The following CDH4 variants were observed in gnomAD, a reference collection of about 807,000 sequenced individuals.
The protein encoded by CDH4 is cadherin 4, also known as cadherin-4.
CDH4 carries 33 observed loss-of-function variants against 86.0 expected under a neutral mutation model. The observed-to-expected ratio is 0.38, with a 90% confidence interval of 0.29 to 0.51. The LOEUF is 0.51. Among genes scored for constraint, CDH4 ranks in the 20% least tolerant of loss-of-function variants. The pLI, the probability that CDH4 is intolerant of heterozygous loss-of-function variation, is 0.86. For synonymous variants in CDH4, 555 were observed against 549.4 expected, an observed-to-expected ratio of 1.01 and a Z score of -0.14; for missense variants, 1,114 against 1,307.4, an observed-to-expected ratio of 0.85 and a Z score of 2.28.
intron 2 of CDH4, among the ~76,000 whole-genome samples, chr20:61,490,425 G>A (rs1428483380): frequency 6.6e-6 from 1 of 152,236 alleles, no homozygotes; most frequent in Non-Finnish European, 1.5e-5. Context: ...TGGTGGCCGG[G>A]CGCAGTGGCT....
chr20:61,907,067 C>T (rs1277705284), intron 8 of CDH4, among the ~76,000 whole-genome samples: 1 of 152,054 alleles, frequency 6.6e-6, no homozygotes, highest in Non-Finnish European at 1.5e-5. Flanking sequence ...GAGGCCCTCC[C>T]ACCACCACCT....
At chr20:61,750,422 T>G (rs1759658291) in intron 3 of CDH4, among the ~76,000 whole-genome samples, 1 of 152,124 alleles carries the variant, frequency 6.6e-6, no homozygotes, top group African/African-American at 2.4e-5. Context: ...CAAACTAACA[T>G]AAGAAAAAAT....
At chr20:61,556,141 C>G (rs1158235088) in intron 2 of CDH4, among the ~76,000 whole-genome samples, 12 of 152,172 alleles carry the variant, frequency 7.9e-5, no homozygotes, top group Admixed American at 7.9e-4. Context: ...GCCAGGGATG[C>G]CTTGAACTTC....
At chr20:61,383,400 A>C (rs1214255292) in intron 2 of CDH4, among the ~76,000 whole-genome samples, 3 of 105,520 alleles carry the variant, frequency 2.8e-5, no homozygotes, top group Middle Eastern at 0.01. Flanking sequence ...TATATGATAT[A>C]TATGAATATA....
At chr20:61,852,088 C>G (rs1295622449) in intron 5 of CDH4, among the ~76,000 whole-genome samples, 1 of 152,142 alleles carries the variant, frequency 6.6e-6, no homozygotes, top group East Asian at 1.9e-4. Flanking sequence ...GTGACGTTCC[C>G]AGGAGCTCCA....
rs573401277 is a variant in CDH4 at position 61,540,745 on chromosome 20, G to A, written c.170-202818G>A. On this transcript the variant is annotated intron_variant, in intron 2 of 15. Coordinates refer to ENST00000614565, the MANE Select transcript of CDH4 (RefSeq NM_001794.5). ...TTTCTAGAATCCAAGCAGTAAGACT[G>A]GATGCCAGTTTCTTCCATGCAGCTT... 2.6e-5 allele frequency among the ~76,000 whole-genome samples: 4 copies of A among 152,252 alleles called. No individual in the cohort carries two copies. The East Asian group carries it at 5.8e-4, about 22-fold the overall frequency.
At chr20:61,454,502 G>C (rs1431051333) in intron 2 of CDH4, among the ~76,000 whole-genome samples, 1 of 152,166 alleles carries the variant, frequency 6.6e-6, no homozygotes, top group Non-Finnish European at 1.5e-5. Context: ...CTGGAGTGCA[G>C]TGGCGCGATC....
At chr20:61,841,729 G>A (rs1486377577) in intron 4 of CDH4, among the ~76,000 whole-genome samples, 2 of 152,100 alleles carry the variant, frequency 1.3e-5, no homozygotes, top group Admixed American at 1.3e-4. Flanking sequence ...CTCACAGACT[G>A]TGAGTGTGTG....
chr20:61,297,407 A>G (rs2084361951), intron 2 of CDH4, among the ~76,000 whole-genome samples: 2 of 152,222 alleles, frequency 1.3e-5, no homozygotes, highest in African/African-American at 4.8e-5. Flanking sequence ...AGAAAAAAAA[A>G]GTGTGGAAAA....
intron 3 of CDH4, among the ~76,000 whole-genome samples, chr20:61,771,010 C>CTTT (rs756131628): frequency 1.6e-4 from 21 of 130,382 alleles, no homozygotes; most frequent in African/African-American, 4.3e-4. Flanking sequence ...TTCTTTTTTT[C>CTTT]TTTTTTTTTT....
intron 4 of CDH4, among the ~76,000 whole-genome samples, chr20:61,826,436 C>A (rs752985097): frequency 6.6e-6 from 1 of 152,240 alleles, no homozygotes; most frequent in Non-Finnish European, 1.5e-5. Flanking sequence ...GCTCCAGGGC[C>A]ACCCTGTCAG....
At chr20:61,791,037 A>G (rs1215331716) in intron 4 of CDH4, among the ~76,000 whole-genome samples, 4 of 152,214 alleles carry the variant, frequency 2.6e-5, no homozygotes, top group Non-Finnish European at 5.9e-5. Context: ...GAACTCTGGC[A>G]TAACCACAGC....
chr20:61,586,201 G>C (rs1007095591), intron 2 of CDH4, among the ~76,000 whole-genome samples: 4 of 151,950 alleles, frequency 2.6e-5, no homozygotes, highest in African/African-American at 9.7e-5. Flanking sequence ...TGATGATCAT[G>C]ATGGTGATGA....
intron 2 of CDH4, among the ~76,000 whole-genome samples, chr20:61,283,540 C>G (rs892316695): frequency 7.5e-6 from 1 of 134,110 alleles, no homozygotes; most frequent in Non-Finnish European, 1.6e-5. Context: ...TGCATTTACA[C>G]GCGTGTGCTG....
At chr20:61,533,259 G>A (rs995852410) in intron 2 of CDH4, among the ~76,000 whole-genome samples, 16 of 152,326 alleles carry the variant, frequency 1.1e-4, no homozygotes, top group African/African-American at 3.4e-4. Context: ...GTGGCAGGGC[G>A]ATGGGGGGCA....
intron 2 of CDH4, among the ~76,000 whole-genome samples, chr20:61,536,156 C>T (rs1568882498): frequency 6.6e-6 from 1 of 152,198 alleles, no homozygotes; most frequent in Non-Finnish European, 1.5e-5. Context: ...AAACCAGCCG[C>T]AGGGAAGGGC....
intron 7 of CDH4, among the ~76,000 whole-genome samples, chr20:61,890,093 G>GATGGATGGATGGATGGATGGATGGATGC (rs1485594334): frequency 3.4e-5 from 5 of 147,902 alleles, no homozygotes; most frequent in African/African-American, 1.0e-4. Flanking sequence ...TGGATGGATG[G>GATGGATGGATGGATGGATGGATGGATGC]ATGGATGCAT....
At chr20:61,395,353 AATT>A (rs937363804) in intron 2 of CDH4, among the ~76,000 whole-genome samples, 3 of 152,204 alleles carry the variant, frequency 2.0e-5, no homozygotes, top group Admixed American at 1.3e-4. Flanking sequence ...AATTTGTATT[AATT>A]ATTAACAGCA....
At chr20:61,707,115 G>A (rs373407778) in intron 2 of CDH4, among the ~76,000 whole-genome samples, 147 of 152,370 alleles carry the variant, frequency 9.6e-4, no homozygotes, top group African/African-American at 3.3e-3. Context: ...GGCATGAGCT[G>A]TCATCCATGT....
Sources: allele counts gnomAD v4.1 joint callset (sites outside exome capture counted in the v4.1 genomes callset), GRCh38; gene constraint gnomAD v4.1.1; transcripts MANE v1.5; gene names NCBI Gene and HGNC (gene_info 2026-07-23, HGNC 2026-07-21).